ARHGEF26: variants seen among roughly 807,000 people sequenced by gnomAD.
ARHGEF26 encodes Rho guanine nucleotide exchange factor (GEF) 26.
Under a neutral mutation model 89.4 loss-of-function variants are expected in ARHGEF26, and 59 were observed. The ratio of observed to expected loss-of-function variants is 0.66; its 90% CI spans 0.54 to 0.82. The LOEUF (loss-of-function observed/expected upper bound fraction) is 0.82, where lower values mean the gene tolerates loss of function less well. Among genes scored for constraint, ARHGEF26 ranks in the 40% least tolerant of loss-of-function variants. The pLI is 0.00. For synonymous variants in ARHGEF26, 500 were observed against 428.4 expected, an observed-to-expected ratio of 1.17 and a Z score of -2.06; for missense variants, 1,234 against 1,085.6, an observed-to-expected ratio of 1.14 and a Z score of -1.92.
chr3:154,121,708 T>A (rs1156439346), intron 1 of ARHGEF26, among the ~76,000 whole-genome samples, 189 bp downstream of exon 1: 1 of 152,162 alleles, frequency 6.6e-6, no homozygotes, highest in Non-Finnish European at 1.5e-5. Context: ...GGGTGGTCTT[T>A]TGGCGCGGGA....
Position 154,253,103 on chromosome 3 carries a change from C to T in ARHGEF26, c.2301-13C>T, listed in dbSNP as rs374636567. The T allele has an allele frequency of 4.3e-6, 7 of 1,613,740 alleles. No homozygotes were observed. The African/African-American group carries it at 6.7e-5, about 15-fold the overall frequency. ...ACCTTGAGTCTCTCAGTTGGATCTG[C>T]CCTCTGTTTTAGGAGCGAGCGAGCC... On this transcript the variant is annotated splice_polypyrimidine_tract_variant and intron_variant, in intron 12 of 14. Coordinates refer to ENST00000465093, the MANE Select transcript of ARHGEF26 (RefSeq NM_015595.4).
At chr3:154,130,539 C>G (rs1718625820) in intron 4 of ARHGEF26, among the ~76,000 whole-genome samples, 1 of 152,070 alleles carries the variant, frequency 6.6e-6, no homozygotes, top group Non-Finnish European at 1.5e-5. Context: ...TTTTGTATGC[C>G]TGTCTCTGAC....
At position 154,255,883 on chromosome 3, in the gene ARHGEF26, T is replaced by C. The variant is rs1315605274; in HGVS notation, c.*410T>C. The C allele has an allele frequency of 1.0e-6, 1 of 993,812 alleles. No individual in the cohort carries two copies. Among genetic ancestry groups the C allele is most frequent in the African/African-American group, 1.7e-5 (1 of 57,556 alleles). The allele number at this position is 993,812 out of a possible 1,614,324, so 61.6% of individuals were successfully genotyped here. ...GGTTCTCCCAGTATTAGCAAGATTG[T>C]ATATCTGTAAAGAATGTCCAGTTTT... is the stretch of plus-strand genomic sequence containing the variant. On this transcript the variant is annotated 3_prime_UTR_variant, in exon 15 of 15. Coordinates refer to ENST00000465093, the MANE Select transcript of ARHGEF26 (RefSeq NM_015595.4).
At chr3:154,174,876 A>C (rs1712701131) in intron 6 of ARHGEF26, among the ~76,000 whole-genome samples, 1 of 152,178 alleles carries the variant, frequency 6.6e-6, no homozygotes, top group African/African-American at 2.4e-5. Flanking sequence ...TGGCAAAGAA[A>C]ACTGAGAAAA....
intron 7 of ARHGEF26, among the ~76,000 whole-genome samples, chr3:154,188,301 TC>T (rs1294158399): frequency 2.0e-5 from 3 of 152,118 alleles, no homozygotes; most frequent in Non-Finnish European, 4.4e-5. Context: ...TGCTGATTAT[TC>T]CCCCCACTTG....
At chr3:154,254,871 G>C (rs1347908471) in intron 14 of ARHGEF26, 47 bp downstream of exon 14, 1 of 1,511,852 alleles carries the variant, frequency 6.6e-7, no homozygotes, top group Admixed American at 1.7e-5. Context: ...AGGATGCAGA[G>C]TGCTATAGAC....
rs377530456 is a variant in ARHGEF26 at position 154,239,249 on chromosome 3, C to CGA, written c.2091-1111_2091-1110dup. On this transcript the variant is annotated intron_variant, in intron 11 of 14. Transcript: ENST00000465093. Reference sequence around the variant, plus strand: ...GTGTTGGGGACTTGATGTAAATGACCGAGAGAGAGAGGGAGAGAGAGAGAG... The same window carrying CGA: ...GTGTTGGGGACTTGATGTAAATGACCGAGAGAGAGAGAGGGAGAGAGAGAGAG... Among the ~76,000 whole-genome samples the CGA allele has an allele frequency of 7.7e-3, 484 of 63,186 alleles. 4 individuals carry two copies. The highest frequency in any genetic ancestry group is 0.044 in the East Asian group (74 of 1,688). 41.5% of individuals were successfully genotyped at this position (63,186 alleles called of 152,430 possible).
chr3:154,189,634 G>GCC (rs910500082), intron 7 of ARHGEF26, among the ~76,000 whole-genome samples: 1 of 152,050 alleles, frequency 6.6e-6, no homozygotes, highest in African/African-American at 2.4e-5. Context: ...ACTGCGCCCA[G>GCC]CCCGCAGTTT....
At chr3:154,189,204 A>T (rs1191371498) in intron 7 of ARHGEF26, among the ~76,000 whole-genome samples, 4 of 152,180 alleles carry the variant, frequency 2.6e-5, no homozygotes, top group Non-Finnish European at 4.4e-5. Flanking sequence ...GATTTAAAAA[A>T]TGTCACTAGG....
chr3:154,159,313 A>G (rs1445069939), intron 6 of ARHGEF26, among the ~76,000 whole-genome samples: 2 of 152,120 alleles, frequency 1.3e-5, no homozygotes, highest in South Asian at 2.1e-4. Flanking sequence ...AAGTTAAAAC[A>G]TTGGTATTCT....
intron 4 of ARHGEF26, among the ~76,000 whole-genome samples, chr3:154,130,894 C>T (rs1718646731): frequency 6.6e-6 from 1 of 152,154 alleles, no homozygotes; most frequent in Non-Finnish European, 1.5e-5. Flanking sequence ...AATGTTGGTG[C>T]TGTATAGCCA....
At chr3:154,242,343 A>G (rs557331379) in intron 12 of ARHGEF26, among the ~76,000 whole-genome samples, 1 of 152,348 alleles carries the variant, frequency 6.6e-6, no homozygotes, top group Admixed American at 6.5e-5. Context: ...CAACATGAAC[A>G]GGAGTTGGGA....
At chr3:154,197,148 C>T (rs1301109140) in intron 9 of ARHGEF26, among the ~76,000 whole-genome samples, 1 of 152,100 alleles carries the variant, frequency 6.6e-6, no homozygotes, top group Non-Finnish European at 1.5e-5. Context: ...GAAGAGATGT[C>T]ATTCCAGTGA....
chr3:154,150,217 A>T (rs182657267), intron 5 of ARHGEF26, among the ~76,000 whole-genome samples: 2 of 152,090 alleles, frequency 1.3e-5, no homozygotes, highest in East Asian at 3.9e-4. Flanking sequence ...GTTTAAAAAA[A>T]ATAATAGTAT....
intron 6 of ARHGEF26, among the ~76,000 whole-genome samples, chr3:154,184,605 G>A (rs570546675): frequency 6.6e-5 from 10 of 152,220 alleles, no homozygotes; most frequent in East Asian, 3.9e-4. Context: ...CATCTAATGC[G>A]TTTCTTGAGT....
intron 11 of ARHGEF26, among the ~76,000 whole-genome samples, chr3:154,234,897 C>T (rs1717020178): frequency 6.6e-6 from 1 of 152,160 alleles, no homozygotes; most frequent in Non-Finnish European, 1.5e-5. Context: ...TCCTGAGTAG[C>T]TGGGACTACA....
chr3:154,249,377 G>A (rs755762959), intron 12 of ARHGEF26, among the ~76,000 whole-genome samples: 6 of 152,218 alleles, frequency 3.9e-5, no homozygotes, highest in Non-Finnish European at 8.8e-5. Flanking sequence ...ATGAGAGACA[G>A]GACAAGGTGC....
chr3:154,227,583 A>C (rs1716571493), intron 11 of ARHGEF26, among the ~76,000 whole-genome samples: 1 of 152,190 alleles, frequency 6.6e-6, no homozygotes. Flanking sequence ...GCCCAGCCGT[A>C]AATTTTATAA....
At chr3:154,130,157 T>TTTTTTTC (rs1718598585) in intron 4 of ARHGEF26, among the ~76,000 whole-genome samples, 1 of 144,122 alleles carries the variant, frequency 6.9e-6, no homozygotes, top group Non-Finnish European at 1.5e-5. Context: ...ATTTTTTTTT[T>TTTTTTTC]TTTTTTTGAG....
Sources: gnomAD v4.1 joint callset for allele counts (sites outside exome capture counted in the v4.1 genomes callset) on GRCh38, gnomAD v4.1.1 for gene constraint, MANE v1.5 for transcripts, NCBI Gene and HGNC (gene_info 2026-07-23, HGNC 2026-07-21) for gene names.